Variants in LRRTM4 observed in about 807,000 individuals in gnomAD.
The protein encoded by LRRTM4 is leucine-rich repeat transmembrane neuronal protein 4.
A neutral mutation model predicts 47.6 loss-of-function variants in LRRTM4; 25 were observed. That is an observed-to-expected ratio of 0.53 (90% CI 0.38 to 0.73). The LOEUF (loss-of-function observed/expected upper bound fraction) is 0.73. Among genes scored for constraint, LRRTM4 ranks in the 30% least tolerant of loss-of-function variants. The pLI is 0.00. For synonymous variants in LRRTM4, 311 were observed against 269.5 expected (o/e 1.15, Z -1.51); for missense variants, 638 against 713.4 (o/e 0.89, Z 1.20).
chr2:76,772,231 C>T (rs936045687), intron 3 of LRRTM4, among the ~76,000 whole-genome samples: 3 of 152,128 alleles, frequency 2.0e-5, no homozygotes, highest in Non-Finnish European at 2.9e-5. Context: ...ATTGAGAAGA[C>T]GGCCATCTAT....
At chr2:77,432,323 C>A (rs72811219) in intron 3 of LRRTM4, among the ~76,000 whole-genome samples, 1 of 152,142 alleles carries the variant, frequency 6.6e-6, no homozygotes. Flanking sequence ...GGATCCCTCA[C>A]CTCTTGACAC....
chr2:77,197,748 G>T (rs1019200870), intron 3 of LRRTM4, among the ~76,000 whole-genome samples: 1 of 152,024 alleles, frequency 6.6e-6, no homozygotes, highest in Admixed American at 6.6e-5. Flanking sequence ...ATCTTATGCC[G>T]TACCCTACTC....
At chr2:76,843,247 T>G (rs961878568) in intron 3 of LRRTM4, among the ~76,000 whole-genome samples, 1 of 152,160 alleles carries the variant, frequency 6.6e-6, no homozygotes, top group African/African-American at 2.4e-5. Context: ...AGAGTATGGT[T>G]TGAAGTTTGT....
intron 3 of LRRTM4, among the ~76,000 whole-genome samples, chr2:77,250,613 T>G (rs957622482): frequency 6.6e-6 from 1 of 152,314 alleles, no homozygotes; most frequent in Non-Finnish European, 1.5e-5. Context: ...ATATATGCAT[T>G]AATTGGTAAA....
intron 3 of LRRTM4, among the ~76,000 whole-genome samples, chr2:77,364,129 CA>C (rs759185066): frequency 1.7e-3 from 188 of 108,274 alleles, no homozygotes; most frequent in Middle Eastern, 0.01. Context: ...TGGATGACTA[CA>C]AAAAAAAAAA....
intron 3 of LRRTM4, among the ~76,000 whole-genome samples, chr2:77,407,215 G>C (rs1674228704): frequency 6.6e-6 from 1 of 151,984 alleles, no homozygotes; most frequent in Admixed American, 6.6e-5. Context: ...GTGCTCATTT[G>C]AAAACAATTT....
intron 3 of LRRTM4, among the ~76,000 whole-genome samples, chr2:76,994,695 A>G (rs527637864): frequency 1.6e-4 from 24 of 152,134 alleles, no homozygotes; most frequent in African/African-American, 5.8e-4. Context: ...GAATAAGATG[A>G]GTAATTTGTG....
intron 3 of LRRTM4, among the ~76,000 whole-genome samples, chr2:76,833,631 T>C (rs1401794502): frequency 6.6e-6 from 1 of 151,960 alleles, no homozygotes; most frequent in Non-Finnish European, 1.5e-5. Context: ...ATGACATTAA[T>C]AAATACATAT....
intron 3 of LRRTM4, among the ~76,000 whole-genome samples, chr2:77,041,407 G>A (rs1679028129): frequency 6.6e-6 from 1 of 151,374 alleles, no homozygotes; most frequent in African/African-American, 2.4e-5. Flanking sequence ...TCAACATCTT[G>A]ATTTCCTTTC....
At chr2:76,789,168 G>C (rs76575249) in intron 3 of LRRTM4, among the ~76,000 whole-genome samples, 5,192 of 152,240 alleles carry the variant, frequency 0.034, 317 homozygotes, top group African/African-American at 0.12. Context: ...CTCTCAAGTG[G>C]GGTTGCCACC....
chr2:76,832,066 A>G lies in LRRTM4; in HGVS notation c.1552-83150T>C, dbSNP rs548284936. ...CACTGGAAACCCATGAGTTTTTTCC[A>G]TGTAAAGTAATTTAATGTAGGCTCC... On this transcript the variant is annotated intron_variant, in intron 3 of 3. Transcript: ENST00000409884. 8.8e-4 allele frequency among the ~76,000 whole-genome samples: 134 copies of G among 152,224 alleles called. No individual in the cohort carries two copies. In the Middle Eastern group the frequency reaches 0.01, roughly 12 times the overall value.
chr2:77,404,431 A>AT (rs1436426559), intron 3 of LRRTM4, among the ~76,000 whole-genome samples: 6 of 151,946 alleles, frequency 3.9e-5, no homozygotes, highest in African/African-American at 1.4e-4. Flanking sequence ...GTGATCTTTA[A>AT]TTTTTTTAAT....
At chr2:76,772,629 A>C (rs181967384) in intron 3 of LRRTM4, among the ~76,000 whole-genome samples, 1 of 152,136 alleles carries the variant, frequency 6.6e-6, no homozygotes, top group Non-Finnish European at 1.5e-5. Context: ...TAACTTAGAA[A>C]ACTTACAATT....
intron 3 of LRRTM4, among the ~76,000 whole-genome samples, chr2:77,032,701 T>G (rs1317273548): frequency 6.6e-6 from 1 of 152,148 alleles, no homozygotes; most frequent in Admixed American, 6.6e-5. Context: ...TTCCTCATTA[T>G]ATGCTGAAAG....
intron 3 of LRRTM4, among the ~76,000 whole-genome samples, chr2:76,915,322 T>C (rs1295605602): frequency 1.3e-5 from 2 of 152,172 alleles, no homozygotes; most frequent in African/African-American, 4.8e-5. Flanking sequence ...GATTGAGTCC[T>C]ACCAATCACA....
chr2:77,300,090 T>G (rs1027248899), intron 3 of LRRTM4, among the ~76,000 whole-genome samples: 4 of 152,092 alleles, frequency 2.6e-5, no homozygotes, highest in Non-Finnish European at 5.9e-5. Context: ...GACCTCGTGA[T>G]GTACCTGCCT....
intron 3 of LRRTM4, among the ~76,000 whole-genome samples, chr2:77,016,915 A>G (rs750417096): frequency 6.6e-6 from 1 of 151,984 alleles, no homozygotes; most frequent in Non-Finnish European, 1.5e-5. Context: ...CAGCAGAGAA[A>G]TGTGTAGCAG....
intron 3 of LRRTM4, among the ~76,000 whole-genome samples, chr2:77,504,810 G>T (rs1678707819): frequency 6.6e-6 from 1 of 151,154 alleles, no homozygotes; most frequent in Non-Finnish European, 1.5e-5. Flanking sequence ...TAAACAATTT[G>T]TTATACATGC....
rs115937923 is a variant in LRRTM4 at position 77,422,853 on chromosome 2, T to C, written c.1551+95465A>G. 5.0e-3 allele frequency among the ~76,000 whole-genome samples: 762 copies of C among 152,224 alleles called. 5 individuals are homozygous for C. The highest frequency in any genetic ancestry group is 0.017 in the African/African-American group (722 of 41,562). ...AACAATTTGAATTTATCATACAGCATTCTCTTTATTGTATGTTTTCAAAAT... is the reference window on the plus strand; with the variant it reads ...AACAATTTGAATTTATCATACAGCACTCTCTTTATTGTATGTTTTCAAAAT... On this transcript the variant is annotated intron_variant, in intron 3 of 3. Transcript: ENST00000409884.
Sources: allele counts gnomAD v4.1 joint callset (sites outside exome capture counted in the v4.1 genomes callset), GRCh38; gene constraint gnomAD v4.1.1; transcripts MANE v1.5; gene names NCBI Gene and HGNC (gene_info 2026-07-23, HGNC 2026-07-21).